Variants in LNP1 observed in about 807,000 individuals in gnomAD.
LNP1 encodes leukemia NUP98 fusion partner 1.
LNP1 carries 12 observed loss-of-function variants against 14.5 expected under a neutral mutation model. That is an observed-to-expected ratio of 0.83 (90% CI 0.53 to 1.34). The LOEUF is 1.34. LNP1 is among the 40% of genes most tolerant of loss of function. The probability of loss-of-function intolerance (pLI) is 0.00; values close to 1 mark genes in which losing one functional copy is unlikely to be tolerated. For synonymous variants in LNP1, 75 were observed against 71.4 expected, an observed-to-expected ratio of 1.05 and a Z score of -0.26; for missense variants, 198 against 210.9, an observed-to-expected ratio of 0.94 and a Z score of 0.38.
At position 100,408,708 on chromosome 3, in the gene LNP1, T is replaced by G. The variant is rs1308305630; in HGVS notation, c.-34+6269T>G. The stretch of plus-strand genomic sequence containing the variant: ...TGGGGGGGTCTACCCAGTGCTGAGT[T>G]TTACTGTGACAGGCCTGGTATTGGG... On this transcript the variant is annotated intron_variant, in intron 1 of 3. Transcript: ENST00000383693. Among the ~76,000 whole-genome samples the G allele has an allele frequency of 2.0e-5, 3 of 152,160 alleles. No homozygotes were observed. The East Asian group carries it at 5.8e-4, about 29-fold the overall frequency.
chr3:100,405,965 C>T lies in LNP1; in HGVS notation c.-34+3526C>T, dbSNP rs575878422. 7.9e-5 allele frequency among the ~76,000 whole-genome samples: 12 copies of T among 152,204 alleles called. No homozygotes were observed. In the South Asian group the frequency reaches 1.2e-3, roughly 16 times the overall value. On this transcript the variant is annotated intron_variant, in intron 1 of 3. Transcript: ENST00000383693. ...ACACCTCTTCTCTTTCTTTGGTCTA[C>T]GATATTAGCACCTAGCACTATTAGA...
At chr3:100,406,654 C>T (rs1425490287) in intron 1 of LNP1, among the ~76,000 whole-genome samples, 1 of 152,164 alleles carries the variant, frequency 6.6e-6, no homozygotes, top group Non-Finnish European at 1.5e-5. Context: ...CCTGCCTCAG[C>T]CTCCCAAGTA....
chr3:100,447,835 G>C (rs1224930131), intron 2 of LNP1, among the ~76,000 whole-genome samples: 2 of 151,918 alleles, frequency 1.3e-5, no homozygotes, highest in Admixed American at 6.6e-5. Context: ...CATCGCTCTT[G>C]TTTCCTGGTT....
At chr3:100,439,326 A>G (rs942314445) in intron 2 of LNP1, among the ~76,000 whole-genome samples, 3 of 151,910 alleles carry the variant, frequency 2.0e-5, no homozygotes, top group African/African-American at 7.2e-5. Flanking sequence ...ACAGAGAAAA[A>G]CTTTGGTAAG....
intron 2 of LNP1, 44 bp downstream of exon 2, chr3:100,429,929 G>A: frequency 1.3e-6 from 2 of 1,574,632 alleles, no homozygotes; most frequent in Non-Finnish European, 1.7e-6. Context: ...TGGAATAGGG[G>A]AGGGGGTTTC....
Position 100,429,739 on chromosome 3 carries a change from A to C in LNP1, c.10A>C (p.Lys4Gln). Residue 4 changes from lysine to glutamine, a missense_variant, in exon 2 of 4, where the codon AAA becomes CAA. Physicochemically the swap from Lys to Gln is moderately conservative, Grantham distance 53 (BLOSUM62 1). Coordinates refer to ENST00000383693, the MANE Select transcript of LNP1 (RefSeq NM_001085451.2). MEH[K>Q]DDDDDDVSFA... is the part of the protein sequence containing the mutation. ...TTGGCATCACCTTTACATGGAGCAC[A>C]AAGATGATGATGATGATGATGTGTC... The C allele has an allele frequency of 6.2e-7, 1 of 1,613,808 alleles. No homozygotes were observed. Among genetic ancestry groups the C allele is most frequent in the Non-Finnish European group, 8.5e-7 (1 of 1,179,806 alleles).
chr3:100,441,797 G>A (rs1401087382), intron 2 of LNP1, among the ~76,000 whole-genome samples: 4 of 151,908 alleles, frequency 2.6e-5, no homozygotes, highest in Non-Finnish European at 4.4e-5. Context: ...CGAGTAGCTG[G>A]GATTACAGGT....
intron 2 of LNP1, among the ~76,000 whole-genome samples, chr3:100,446,695 T>C (rs1559846475): frequency 1.3e-5 from 2 of 152,174 alleles, no homozygotes; most frequent in African/African-American, 2.4e-5. Flanking sequence ...TTTTGTAATC[T>C]ACCCATCTGA....
chr3:100,435,771 G>A (rs1449489254), intron 2 of LNP1, among the ~76,000 whole-genome samples: 1 of 152,196 alleles, frequency 6.6e-6, no homozygotes, highest in Non-Finnish European at 1.5e-5. Context: ...ACACAGTTCT[G>A]TGGACACAGG....
intron 1 of LNP1, among the ~76,000 whole-genome samples, chr3:100,413,243 G>C (rs1040183884): frequency 5.3e-5 from 8 of 152,184 alleles, no homozygotes; most frequent in African/African-American, 1.7e-4. Flanking sequence ...ATGGAAGCCT[G>C]TTTCTTTTGA....
intron 1 of LNP1, among the ~76,000 whole-genome samples, chr3:100,417,182 C>A (rs777087009): frequency 6.6e-6 from 1 of 151,860 alleles, no homozygotes; most frequent in East Asian, 1.9e-4. Context: ...ATAATCTAAT[C>A]GTCTTTTCCT....
chr3:100,438,589 T>C (rs1297603877), intron 2 of LNP1, among the ~76,000 whole-genome samples: 1 of 152,210 alleles, frequency 6.6e-6, no homozygotes, highest in Non-Finnish European at 1.5e-5. Flanking sequence ...ACAGAATAGT[T>C]TCACTGTCCT....
At position 100,440,973 on chromosome 3, in the gene LNP1, G is replaced by A. The variant is rs78730887; in HGVS notation, c.157-10746G>A. 0.017 allele frequency among the ~76,000 whole-genome samples: 2,565 copies of A among 152,228 alleles called. 265 individuals are homozygous for A. The East Asian group carries it at 0.31, about 18-fold the overall frequency. On this transcript the variant is annotated intron_variant, in intron 2 of 3. Transcript: ENST00000383693. Reference sequence around the variant, plus strand: ...GATGAGGGAGTAGGGTTGTGGATGAGGTCACTGGCAGGGAGGAGCCTGTGC... The same window carrying A: ...GATGAGGGAGTAGGGTTGTGGATGAAGTCACTGGCAGGGAGGAGCCTGTGC...
chr3:100,454,350 C>T (rs1038176921), intron 3 of LNP1, among the ~76,000 whole-genome samples: 5 of 151,900 alleles, frequency 3.3e-5, no homozygotes, highest in South Asian at 2.1e-4. Flanking sequence ...TTAGAAATTC[C>T]GAACATATAC....
intron 1 of LNP1, among the ~76,000 whole-genome samples, chr3:100,425,386 G>C (rs1378062725): frequency 1.3e-5 from 2 of 152,190 alleles, no homozygotes; most frequent in Non-Finnish European, 2.9e-5. Context: ...TTGGAAACTA[G>C]AGGAGCTGGG....
Position 100,429,894 on chromosome 3 carries a change from T to G in LNP1, c.156+9T>G. ...CCTCCCTGCCCTGCCCAGTGAGTGA[T>G]TGTCATGGAACCGGAGGGGAGAGCT... On this transcript the variant is annotated intron_variant, in intron 2 of 3. Coordinates refer to ENST00000383693, the MANE Select transcript of LNP1 (RefSeq NM_001085451.2). The G allele has an allele frequency of 6.2e-7, 1 of 1,611,670 alleles. No individual in the cohort carries two copies. The highest frequency in any genetic ancestry group is 8.5e-7 in the Non-Finnish European group (1 of 1,178,988).
intron 1 of LNP1, among the ~76,000 whole-genome samples, chr3:100,420,565 T>C (rs1319827385): frequency 2.0e-5 from 3 of 151,802 alleles, no homozygotes; most frequent in Admixed American, 6.6e-5. Flanking sequence ...GATCCTCATA[T>C]CTTGGCCTCC....
chr3:100,451,009 C>T (rs1707432498), intron 2 of LNP1, among the ~76,000 whole-genome samples: 1 of 152,144 alleles, frequency 6.6e-6, no homozygotes, highest in Admixed American at 6.5e-5. Context: ...GCAAATTGTC[C>T]TATTGGTTTG....
At chr3:100,427,512 AT>A (rs745735708) in intron 1 of LNP1, among the ~76,000 whole-genome samples, 6 of 152,186 alleles carry the variant, frequency 3.9e-5, no homozygotes, top group Non-Finnish European at 8.8e-5. Context: ...GCCACTGGGC[AT>A]TGAAGGTTCA....
Sources: gnomAD v4.1 joint callset for allele counts (sites outside exome capture counted in the v4.1 genomes callset) on GRCh38, gnomAD v4.1.1 for gene constraint, MANE v1.5 for transcripts, NCBI Gene and HGNC (gene_info 2026-07-23, HGNC 2026-07-21) for gene names.